KYAT3: variants seen among roughly 807,000 people sequenced by gnomAD.
The protein encoded by KYAT3 is kynurenine--oxoglutarate transaminase 3.
Under a neutral mutation model 59.0 loss-of-function variants are expected in KYAT3, and 50 were observed. The ratio of observed to expected loss-of-function variants is 0.85; its 90% CI spans 0.68 to 1.07. The LOEUF is 1.07. KYAT3 is among the 50% of genes least tolerant of loss of function. KYAT3 has a pLI of 0.00. For synonymous variants in KYAT3, 148 were observed against 177.0 expected (o/e 0.84, Z 1.30); for missense variants, 497 against 533.3 (o/e 0.93, Z 0.67).
chr1:88,931,592 A>G (rs1674908700), downstream of KYAT3, among the ~76,000 whole-genome samples: 1 of 152,116 alleles, frequency 6.6e-6, no homozygotes, highest in Admixed American at 6.5e-5. Context: ...GGACTAGCTG[A>G]ATTTCCTAGG....
chr1:88,923,868 A>G, the KYAT3 span: 27 of 169,890 alleles, frequency 1.6e-4, no homozygotes, highest in South Asian at 2.5e-3. Flanking sequence ...TCAGTCTTGC[A>G]GAGGGACATC....
intron 8 of KYAT3, among the ~76,000 whole-genome samples, chr1:88,960,366 G>A (rs577234101): frequency 3.9e-4 from 57 of 145,938 alleles, no homozygotes; most frequent in African/African-American, 1.4e-3. Flanking sequence ...ATGGAAAATG[G>A]GGATGCAGAA....
chr1:88,924,798 A>G, the KYAT3 span, among the ~76,000 whole-genome samples: 1 of 152,206 alleles, frequency 6.6e-6, no homozygotes, highest in South Asian at 2.1e-4. Flanking sequence ...CTGCATGGCT[A>G]AGTGCCCGGG....
intron 2 of KYAT3, among the ~76,000 whole-genome samples, chr1:88,974,239 G>A (rs1676671678): frequency 6.6e-6 from 1 of 152,012 alleles, no homozygotes; most frequent in African/African-American, 2.4e-5. Flanking sequence ...TCTATGAAGT[G>A]GGGATTTGTA....
At chr1:88,978,025 T>G (rs757097729) in intron 2 of KYAT3, among the ~76,000 whole-genome samples, 1 of 152,104 alleles carries the variant, frequency 6.6e-6, no homozygotes, top group Non-Finnish European at 1.5e-5. Flanking sequence ...GTATCCCAGT[T>G]TTTAAGTGAA....
intron 8 of KYAT3, 135 bp from the exon 9 acceptor site, chr1:88,955,360 GTTT>G: frequency 4.2e-6 from 2 of 480,040 alleles, no homozygotes; most frequent in South Asian, 3.0e-5. Context: ...GTTATTTCTA[GTTT>G]TTTTTTTAGA....
chr1:88,972,292 T>G (rs1291691185), intron 2 of KYAT3, among the ~76,000 whole-genome samples: 1 of 152,196 alleles, frequency 6.6e-6, no homozygotes, highest in African/African-American at 2.4e-5. Context: ...GCCTACTGAT[T>G]TAAACGTTAA....
chr1:88,973,875 A>G (rs1427228061), intron 2 of KYAT3, among the ~76,000 whole-genome samples: 1 of 152,222 alleles, frequency 6.6e-6, no homozygotes, highest in Non-Finnish European at 1.5e-5. Flanking sequence ...GACTCTTCCC[A>G]TAAGATCTGA....
chr1:88,972,630 G>C (rs1676596566), intron 2 of KYAT3, among the ~76,000 whole-genome samples: 1 of 152,112 alleles, frequency 6.6e-6, no homozygotes, highest in Admixed American at 6.6e-5. Flanking sequence ...CTGCTGCCCT[G>C]GTCTGTGTCA....
chr1:88,958,225 C>T (rs1008213221), intron 8 of KYAT3, among the ~76,000 whole-genome samples: 3 of 152,136 alleles, frequency 2.0e-5, no homozygotes, highest in Non-Finnish European at 2.9e-5. Flanking sequence ...ATCTGCTCCT[C>T]TCCATATTTA....
chr1:88,984,357 G>A (rs929688624), intron 2 of KYAT3, among the ~76,000 whole-genome samples: 2 of 151,868 alleles, frequency 1.3e-5, no homozygotes, highest in Admixed American at 6.6e-5. Context: ...TTGGATTACC[G>A]GCATGCGCCA....
chr1:88,962,555 C>CT (rs1676187322), intron 5 of KYAT3, among the ~76,000 whole-genome samples: 1 of 152,190 alleles, frequency 6.6e-6, no homozygotes, highest in Non-Finnish European at 1.5e-5. Flanking sequence ...CAGTGACAGA[C>CT]AGCAGGCTAT....
intron 2 of KYAT3, chr1:88,982,270 AG>A: frequency 1.5e-6 from 1 of 659,754 alleles, no homozygotes; most frequent in East Asian, 9.9e-5. Flanking sequence ...TTGTATAGGC[AG>A]AATGATTCAT....
In KYAT3 at chr1:88,961,457, G is replaced by A. The variant is rs1676143004; in HGVS notation, c.590C>T (p.Pro197Leu). The A allele has an allele frequency of 6.2e-7, 1 of 1,613,228 alleles. No individual in the cohort carries two copies. Residue 197 changes from proline to leucine, a missense_variant, in exon 7 of 14, where the codon CCT (proline) becomes CTT (leucine). Pro to Leu is a moderately conservative substitution (Grantham distance 98). Transcript: ENST00000260508. The stretch of plus-strand genomic sequence containing the variant: ...ATTAAATTTACTTTCCAGTTCTTGA[G>A]GATCTAATGTCCAGTCAGAACTAGA... ...RWSSSDWTLD[P>L]QELESKFNSK...
chr1:88,956,077 T>C (rs1351197239), intron 8 of KYAT3, among the ~76,000 whole-genome samples: 1 of 152,172 alleles, frequency 6.6e-6, no homozygotes, highest in Non-Finnish European at 1.5e-5. Context: ...TGTGCCTGAA[T>C]GAAACTTATC....
At chr1:88,961,927 A>T (rs970460904) in intron 6 of KYAT3, 132 bp downstream of exon 6, 12 of 674,422 alleles carry the variant, frequency 1.8e-5, no homozygotes, top group Non-Finnish European at 2.6e-5. Context: ...AAAGACAACT[A>T]GACAAATAGA....
At chr1:88,927,222 C>A in the KYAT3 span, among the ~76,000 whole-genome samples, 2,373 of 152,152 alleles carry the variant, frequency 0.016, 21 homozygotes, top group Non-Finnish European at 0.024. Flanking sequence ...AACATTCCCC[C>A]CAAGGCAAAA....
intron 2 of KYAT3, among the ~76,000 whole-genome samples, chr1:88,974,770 G>A (rs1185347139): frequency 1.3e-5 from 2 of 152,132 alleles, no homozygotes; most frequent in African/African-American, 4.8e-5. Flanking sequence ...TCTGGGTCTT[G>A]CTAAAGGATT....
At chr1:88,984,203 G>GTTTT (rs1557707537) in intron 2 of KYAT3, 31 of 98,322 alleles carry the variant, frequency 3.2e-4, no homozygotes, top group Non-Finnish European at 5.5e-4. Context: ...TTTTTTTGTT[G>GTTTT]CTTTTTTTTT....
Sources: allele counts gnomAD v4.1 joint callset (sites outside exome capture counted in the v4.1 genomes callset), GRCh38; gene constraint gnomAD v4.1.1; transcripts MANE v1.5; gene names NCBI Gene and HGNC (gene_info 2026-07-23, HGNC 2026-07-21).